The following CDC5L variants were observed in gnomAD, a reference collection of about 807,000 sequenced individuals.
CDC5L encodes the protein cell division cycle 5-like protein.
Under a neutral mutation model 104.1 loss-of-function variants are expected in CDC5L, and 18 were observed. The ratio of observed to expected loss-of-function variants is 0.17; its 90% CI spans 0.12 to 0.26. CDC5L has a LOEUF of 0.26. Among genes scored for constraint, CDC5L ranks in the 10% least tolerant of loss-of-function variants. CDC5L has a pLI of 1.00. For missense variants in CDC5L, 673 were observed against 956.9 expected (o/e 0.70, Z 3.91); for synonymous variants, 331 against 322.7 (o/e 1.03, Z -0.28).
chr6:44,437,724 A>G (rs974904123), intron 14 of CDC5L, among the ~76,000 whole-genome samples: 1 of 152,266 alleles, frequency 6.6e-6, no homozygotes, highest in African/African-American at 2.4e-5. Context: ...CTAATTAAGC[A>G]GTTTCTGAGT....
intron 14 of CDC5L, among the ~76,000 whole-genome samples, chr6:44,431,357 A>C (rs1330690792): frequency 2.0e-5 from 3 of 152,170 alleles, no homozygotes; most frequent in Admixed American, 6.5e-5. Context: ...AGCCAGGGAA[A>C]ATAGAACATC....
chr6:44,404,025 A>G lies in CDC5L; in HGVS notation c.756A>G (p.Arg252=), dbSNP rs1791251902. ...LRQQDLDGEL[R]SEKEGRDRKK... is the part of the protein sequence containing the mutation. ...AACAGGATCTTGATGGGGAGCTAAG[A>G]TCGTAAGTTGCCTTTCTGATTTTGG... Residue 252 remains arginine, a splice_region_variant and synonymous_variant, in exon 6 of 16, where the codon AGA becomes AGG. Transcript: ENST00000371477. The G allele has an allele frequency of 1.9e-6, 3 of 1,603,412 alleles. No homozygotes were observed. Among genetic ancestry groups the G allele is most frequent in the Non-Finnish European group, 2.6e-6 (3 of 1,176,388 alleles).
chr6:44,429,310 G>A (rs1336544163), intron 13 of CDC5L, among the ~76,000 whole-genome samples: 1 of 152,114 alleles, frequency 6.6e-6, no homozygotes, highest in Non-Finnish European at 1.5e-5. Flanking sequence ...GGGAGCCACC[G>A]TGCCTGGCCA....
chr6:44,446,764 T>A lies in CDC5L; in HGVS notation c.*53T>A. 1.2e-6 allele frequency: 1 copy of A among 868,148 alleles called. No homozygotes were observed. Among genetic ancestry groups the A allele is most frequent in the Non-Finnish European group, 1.8e-6 (1 of 544,374 alleles). The allele number at this position is 868,148 out of a possible 1,614,324, so 53.8% of individuals were successfully genotyped here. ...TAATTAATTGCCGGTTTTCATACTC[T>A]AGAAGGCTGAAACTGATGTTTATCT... On this transcript the variant is annotated 3_prime_UTR_variant, in exon 16 of 16. Transcript: ENST00000371477.
chr6:44,431,069 CTTGGGGTGG>C (rs1296156607), intron 14 of CDC5L, among the ~76,000 whole-genome samples: 4 of 152,056 alleles, frequency 2.6e-5, no homozygotes, highest in African/African-American at 9.7e-5. Context: ...AGTAAAATCA[CTTGGGGTGG>C]TTGGGGCTGT....
chr6:44,433,674 T>C (rs1792791292), intron 14 of CDC5L, among the ~76,000 whole-genome samples: 1 of 152,150 alleles, frequency 6.6e-6, no homozygotes, highest in Non-Finnish European at 1.5e-5. Context: ...CAAGAAATAT[T>C]ATATAACATA....
chr6:44,414,252 T>A (rs1375133995), intron 8 of CDC5L, among the ~76,000 whole-genome samples: 2 of 152,070 alleles, frequency 1.3e-5, no homozygotes, highest in Non-Finnish European at 2.9e-5. Context: ...GCTAATTTTT[T>A]ATTTTTGTAG....
At chr6:44,443,407 G>C (rs1793303940) in intron 14 of CDC5L, among the ~76,000 whole-genome samples, 1 of 151,376 alleles carries the variant, frequency 6.6e-6, no homozygotes, top group Admixed American at 6.6e-5. Flanking sequence ...CCAGCCTTGG[G>C]AATTTTTCTG....
At chr6:44,430,025 T>G (rs1792604230) in intron 14 of CDC5L, 115 bp downstream of exon 14, 2 of 727,460 alleles carry the variant, frequency 2.7e-6, no homozygotes, top group East Asian at 5.4e-5. Flanking sequence ...ATTGCCTTTT[T>G]AGTTGTTGGA....
intron 14 of CDC5L, among the ~76,000 whole-genome samples, chr6:44,439,062 A>G (rs548517046): frequency 1.3e-5 from 2 of 152,260 alleles, no homozygotes; most frequent in African/African-American, 4.8e-5. Flanking sequence ...TTTTTGTATC[A>G]ATAGATTTGC....
chr6:44,424,057 T>C (rs1482616822), intron 10 of CDC5L, among the ~76,000 whole-genome samples: 1 of 152,168 alleles, frequency 6.6e-6, no homozygotes, highest in Non-Finnish European at 1.5e-5. Context: ...TTGTCTTAGC[T>C]CTGAAGTCAG....
intron 13 of CDC5L, 27 bp from the exon 14 acceptor site, chr6:44,429,686 A>C: frequency 6.2e-7 from 1 of 1,601,368 alleles, no homozygotes; most frequent in Non-Finnish European, 8.6e-7. Flanking sequence ...TAGTACTTAA[A>C]CTTATTGAAA....
At chr6:44,413,916 GT>G (rs1296259697) in intron 8 of CDC5L, among the ~76,000 whole-genome samples, 1 of 152,118 alleles carries the variant, frequency 6.6e-6, no homozygotes, top group Non-Finnish European at 1.5e-5. Context: ...ATGTGGAAGG[GT>G]TCTAATTCTT....
chr6:44,429,861 A>T lies in CDC5L; in HGVS notation c.2042A>T (p.Asn681Ile), dbSNP rs139979361. 2 of 1,614,078 alleles carry T rather than the reference A, an allele frequency of 1.2e-6. No homozygotes were observed. The highest frequency in any genetic ancestry group is 1.7e-6 in the Non-Finnish European group (2 of 1,179,944). Residue 681 changes from asparagine (N) to isoleucine (I), a missense_variant, in exon 14 of 16, where the codon AAT becomes ATT. By Grantham distance (149) the Asn-to-Ile change is moderately radical. Coordinates refer to ENST00000371477, the MANE Select transcript of CDC5L (RefSeq NM_001253.4). Reference protein sequence around the residue: ...LPGQSRYTRANLASKKDRIES... With the variant: ...LPGQSRYTRAILASKKDRIES... ...GGGCAGAGCCGCTACACACGGGCCA[A>T]TCTGGCTAGTAAAAAGGACAGAATT... is the stretch of plus-strand genomic sequence containing the variant.
At chr6:44,436,815 G>T (rs1792961672) in intron 14 of CDC5L, among the ~76,000 whole-genome samples, 1 of 152,106 alleles carries the variant, frequency 6.6e-6, no homozygotes. Flanking sequence ...CTACCGATTT[G>T]TATGTGGATA....
intron 5 of CDC5L, among the ~76,000 whole-genome samples, chr6:44,400,960 C>T (rs1791095431): frequency 6.6e-6 from 1 of 152,194 alleles, no homozygotes; most frequent in African/African-American, 2.4e-5. Flanking sequence ...GATTTATTCT[C>T]ACCCCAGAAG....
At chr6:44,391,920 G>A (rs1367314878) in intron 2 of CDC5L, among the ~76,000 whole-genome samples, 1 of 152,160 alleles carries the variant, frequency 6.6e-6, no homozygotes, top group Non-Finnish European at 1.5e-5. Flanking sequence ...CCCAGGAGGT[G>A]GAGGTTGTAG....
At chr6:44,440,296 C>T (rs1409574329) in intron 14 of CDC5L, among the ~76,000 whole-genome samples, 2 of 148,174 alleles carry the variant, frequency 1.3e-5, no homozygotes, top group Non-Finnish European at 3.0e-5. Flanking sequence ...GGCTGGAGTG[C>T]AGTCGCCTGA....
intron 4 of CDC5L, among the ~76,000 whole-genome samples, chr6:44,394,855 CAAAAAAAAAAAAAAAAA>C (rs60864045): frequency 6.8e-5 from 4 of 59,064 alleles, no homozygotes; most frequent in Non-Finnish European, 1.2e-4. Context: ...GACCCTGTCT[CAAAAAAAAAAAAAAAAA>C]AAAAAAAAAA....
Sources: gnomAD v4.1 joint callset for allele counts (sites outside exome capture counted in the v4.1 genomes callset) on GRCh38, gnomAD v4.1.1 for gene constraint, MANE v1.5 for transcripts, NCBI Gene and HGNC (gene_info 2026-07-23, HGNC 2026-07-21) for gene names.